The following NBEA variants were observed in gnomAD, a reference collection of about 807,000 sequenced individuals.
NBEA encodes the protein neurobeachin.
A neutral mutation model predicts 343.4 loss-of-function variants in NBEA; 44 were observed. That is an observed-to-expected ratio of 0.13 (90% CI 0.10 to 0.16). NBEA has a LOEUF of 0.16. NBEA is among the 10% of genes least tolerant of loss of function. The pLI is 1.00. For missense variants in NBEA, 2,555 were observed against 3,631.3 expected (o/e 0.70, Z 7.62); for synonymous variants, 1,175 against 1,238.7 (o/e 0.95, Z 1.08).
chr13:35,167,080 T>A (rs1351369720), intron 24 of NBEA, among the ~76,000 whole-genome samples: 1 of 152,042 alleles, frequency 6.6e-6, no homozygotes, highest in African/African-American at 2.4e-5. Flanking sequence ...GTGTGCATTT[T>A]ATGAAGAAAT....
chr13:35,141,581 A>G (rs1176526730), intron 17 of NBEA, among the ~76,000 whole-genome samples: 1 of 152,202 alleles, frequency 6.6e-6, no homozygotes, highest in Non-Finnish European at 1.5e-5. Context: ...TTGAATTCTA[A>G]GGAAGTGACA....
At chr13:35,647,143 T>C (rs749101432) in intron 51 of NBEA, among the ~76,000 whole-genome samples, 64 of 152,354 alleles carry the variant, frequency 4.2e-4, no homozygotes, top group Non-Finnish European at 7.3e-4. Context: ...AAAAGTTTCT[T>C]TACAGTTTAT....
chr13:35,593,400 G>T lies in NBEA; in HGVS notation c.7249G>T (p.Val2417Phe). ...TCATCCAGATCGAACCTTCTCATCC[G>T]TTGCAAGGTCTTGGAGAACTAGTCA... ...FDHPDRTFSS[V>F]ARSWRTSQRD... The change falls in exon 47 of 59, where the codon GTT (valine) becomes TTT (phenylalanine). Residue 2417 changes from valine to phenylalanine, a missense_variant. By Grantham distance (50) the Val-to-Phe change is conservative. This residue lies in a region of NBEA where 156 missense variants were observed against 185.8 expected (regional missense o/e 0.84). Coordinates refer to ENST00000379939, the MANE Select transcript of NBEA (RefSeq NM_001385012.1). 6.2e-7 allele frequency: 1 copy of T among 1,612,002 alleles called. No homozygotes were observed. Among genetic ancestry groups the T allele is most frequent in the Non-Finnish European group, 8.5e-7 (1 of 1,178,406 alleles).
intron 10 of NBEA, among the ~76,000 whole-genome samples, chr13:35,097,095 AATAATG>A (rs1456980237): frequency 6.6e-6 from 1 of 151,922 alleles, no homozygotes; most frequent in Non-Finnish European, 1.5e-5. Flanking sequence ...GAATTTTTAT[AATAATG>A]ATAATGATAA....
chr13:35,105,495 C>A (rs1436706713), intron 11 of NBEA, among the ~76,000 whole-genome samples: 6 of 151,972 alleles, frequency 3.9e-5, no homozygotes, highest in Non-Finnish European at 7.4e-5. Flanking sequence ...CACAAGGCTG[C>A]CAGAGAGAAT....
intron 6 of NBEA, 147 bp from the exon 7 acceptor site, chr13:35,055,863 G>C: frequency 4.0e-6 from 2 of 496,604 alleles, no homozygotes; most frequent in Non-Finnish European, 6.3e-6. Context: ...AATGAGAAAT[G>C]AGAGGGGGAA....
chr13:35,035,191 C>T (rs1278600760), intron 1 of NBEA, among the ~76,000 whole-genome samples: 1 of 151,358 alleles, frequency 6.6e-6, no homozygotes, highest in African/African-American at 2.4e-5. Context: ...TTGTTGTATC[C>T]CATAGGTTTT....
At chr13:35,324,375 G>A (rs2038394068) in intron 36 of NBEA, among the ~76,000 whole-genome samples, 1 of 152,162 alleles carries the variant, frequency 6.6e-6, no homozygotes, top group Non-Finnish European at 1.5e-5. Context: ...TATTCCTCAT[G>A]TCCTGTTGTA....
intron 1 of NBEA, among the ~76,000 whole-genome samples, chr13:34,986,135 G>A (rs557997428): frequency 1.3e-4 from 20 of 150,388 alleles, no homozygotes; most frequent in East Asian, 3.9e-4. Context: ...TTAGGGTGTC[G>A]ATTTTAGATG....
intron 1 of NBEA, among the ~76,000 whole-genome samples, chr13:35,038,988 C>T (rs2062550603): frequency 6.6e-6 from 1 of 152,168 alleles, no homozygotes; most frequent in Non-Finnish European, 1.5e-5. Flanking sequence ...TTTACTTAAA[C>T]ACCAAGAGCA....
intron 34 of NBEA, among the ~76,000 whole-genome samples, chr13:35,273,824 A>G (rs908715951): frequency 3.0e-4 from 45 of 152,182 alleles, no homozygotes; most frequent in African/African-American, 1.0e-3. Flanking sequence ...GAAGAAGTTG[A>G]ATCTCTGAAC....
At chr13:35,440,822 G>A (rs2045702436) in intron 39 of NBEA, among the ~76,000 whole-genome samples, 1 of 151,890 alleles carries the variant, frequency 6.6e-6, no homozygotes, top group South Asian at 2.1e-4. Context: ...ACAGTGTGTT[G>A]TAGTAAATAC....
intron 34 of NBEA, among the ~76,000 whole-genome samples, chr13:35,280,523 T>C (rs2034979651): frequency 6.6e-6 from 1 of 152,118 alleles, no homozygotes; most frequent in Admixed American, 6.6e-5. Context: ...AGGAATTACA[T>C]TAATAGCATC....
At chr13:35,664,012 C>T (rs890316160) in intron 55 of NBEA, among the ~76,000 whole-genome samples, 6 of 152,162 alleles carry the variant, frequency 3.9e-5, no homozygotes, top group African/African-American at 1.4e-4. Flanking sequence ...AAGGAAGGGG[C>T]TCTTGGCCGA....
intron 39 of NBEA, among the ~76,000 whole-genome samples, chr13:35,446,811 A>T (rs749911284): frequency 6.6e-6 from 1 of 152,036 alleles, no homozygotes. Flanking sequence ...ATATACCTAT[A>T]TATCTATATA....
At chr13:35,068,310 C>A (rs1165643481) in intron 8 of NBEA, among the ~76,000 whole-genome samples, 1 of 152,208 alleles carries the variant, frequency 6.6e-6, no homozygotes, top group East Asian at 1.9e-4. Flanking sequence ...TACATTTCCA[C>A]AAAATGATTT....
At chr13:35,056,935 T>C (rs1016510940) in intron 7 of NBEA, among the ~76,000 whole-genome samples, 1 of 152,108 alleles carries the variant, frequency 6.6e-6, no homozygotes, top group African/African-American at 2.4e-5. Context: ...TCGCTTATTA[T>C]AATAAAACAA....
chr13:35,010,726 C>CAAAAAA (rs769896169), intron 1 of NBEA, among the ~76,000 whole-genome samples: 3 of 9,696 alleles, frequency 3.1e-4, no homozygotes, highest in South Asian at 7.2e-3. Context: ...TGGGTCTCTA[C>CAAAAAA]AAAAAAAAAA....
chr13:35,117,649 C>G (rs2066567515), intron 14 of NBEA, among the ~76,000 whole-genome samples, 156 bp downstream of exon 14: 1 of 151,930 alleles, frequency 6.6e-6, no homozygotes, highest in Non-Finnish European at 1.5e-5. Context: ...TTGAACTTAA[C>G]TAACTTCTGA....
Sources: gnomAD v4.1 joint callset for allele counts (sites outside exome capture counted in the v4.1 genomes callset) on GRCh38, gnomAD v4.1.1 for gene constraint, gnomAD v4.1.1 regional missense constraint, MANE v1.5 for transcripts, NCBI Gene and HGNC (gene_info 2026-07-23, HGNC 2026-07-21) for gene names.